Variants in WIF1 observed in about 807,000 individuals in gnomAD.
WIF1 encodes Wnt inhibitory factor 1.
A neutral mutation model predicts 53.5 loss-of-function variants in WIF1; 35 were observed. That is an observed-to-expected ratio of 0.65 (90% confidence interval 0.50 to 0.87). The LOEUF is 0.87. WIF1 is among the 40% of genes least tolerant of loss of function. WIF1 has a pLI of 0.00. For synonymous variants in WIF1, 171 were observed against 170.4 expected, an observed-to-expected ratio of 1.00 and a Z score of -0.03; for missense variants, 467 against 476.8, an observed-to-expected ratio of 0.98 and a Z score of 0.19.
chr12:65,059,335 A>G (rs1882576650), intron 7 of WIF1, among the ~76,000 whole-genome samples: 1 of 152,198 alleles, frequency 6.6e-6, no homozygotes, highest in African/African-American at 2.4e-5. Context: ...ATTATAGGTG[A>G]TTTTTAATTG....
intron 3 of WIF1, 122 bp from the exon 4 acceptor site, chr12:65,069,026 T>C (rs1592390505): frequency 9.5e-7 from 1 of 1,054,772 alleles, no homozygotes; most frequent in African/African-American, 1.6e-5. Flanking sequence ...GTGGATTTCC[T>C]TGTATCTCCA....
intron 2 of WIF1, among the ~76,000 whole-genome samples, chr12:65,089,308 C>T (rs569524920): frequency 6.6e-6 from 1 of 152,236 alleles, no homozygotes; most frequent in South Asian, 2.1e-4. Context: ...ACTACCTCCA[C>T]AAATTCTCAT....
chr12:65,076,784 G>A (rs1418213072), intron 3 of WIF1, among the ~76,000 whole-genome samples: 2 of 151,888 alleles, frequency 1.3e-5, no homozygotes, highest in East Asian at 1.9e-4. Context: ...ATAAGGGAAT[G>A]TGTATACAAA....
Position 65,121,110 on chromosome 12 carries a change from C to A in WIF1, c.82G>T (p.Ala28Ser). ...LLCLLALRAEAGPPQEESLYL... is the reference protein window; with the variant it reads ...LLCLLALRAESGPPQEESLYL... Reference sequence around the variant, plus strand: ...AGGCTCTCCTCCTGCGGCGGCCCGGCCTCCGCCCGCAGTGCCAGCAGGCAC... The same window carrying A: ...AGGCTCTCCTCCTGCGGCGGCCCGGACTCCGCCCGCAGTGCCAGCAGGCAC... Residue 28 changes from alanine to serine, a missense_variant, in exon 1 of 10, where the codon GCC becomes TCC. By Grantham distance (99) the Ala-to-Ser change is moderately conservative. Transcript: ENST00000286574. The A allele has an allele frequency of 6.5e-7, 1 of 1,546,264 alleles. No individual in the cohort carries two copies. Among genetic ancestry groups the A allele is most frequent in the Non-Finnish European group, 8.7e-7 (1 of 1,144,516 alleles).
At chr12:65,084,383 C>T (rs535220215) in intron 2 of WIF1, among the ~76,000 whole-genome samples, 1 of 152,246 alleles carries the variant, frequency 6.6e-6, no homozygotes, top group Admixed American at 6.5e-5. Context: ...AGCCTGGTTC[C>T]TTTATCTTTT....
rs1263645597 is a variant in WIF1, at chr12:65,103,795, C to T, written c.288+16622G>A. 1.3e-5 allele frequency among the ~76,000 whole-genome samples: 2 copies of T among 152,108 alleles called. 1 individual carries two copies. The highest frequency in any genetic ancestry group is 1.3e-4 in the Admixed American group (2 of 15,270). Reference sequence around the variant, plus strand: ...GGCTCTGCAGGTGACTAAGGTGTGACCCTGGGCAAGTTACTTAATTTCCTT... The same window carrying T: ...GGCTCTGCAGGTGACTAAGGTGTGATCCTGGGCAAGTTACTTAATTTCCTT... On this transcript the variant is annotated intron_variant, in intron 2 of 9. Coordinates refer to ENST00000286574, the MANE Select transcript of WIF1 (RefSeq NM_007191.5).
intron 6 of WIF1, among the ~76,000 whole-genome samples, chr12:65,063,024 T>C (rs779930806): frequency 5.9e-5 from 9 of 152,146 alleles, no homozygotes; most frequent in Admixed American, 1.3e-4. Flanking sequence ...AAAAAGCAAC[T>C]TTCTTTCAGG....
At chr12:65,073,249 C>G (rs1348978352) in intron 3 of WIF1, among the ~76,000 whole-genome samples, 1 of 152,150 alleles carries the variant, frequency 6.6e-6, no homozygotes, top group East Asian at 1.9e-4. Context: ...ATTCTCTTAC[C>G]AAATACTTAG....
rs201508016 is a variant in WIF1 at position 65,051,410 on chromosome 12, G to A, written c.1079C>T (p.Thr360Met). Residue 360 changes from threonine to methionine, a missense_variant, in exon 10 of 10, where the codon ACG (threonine) becomes ATG (methionine). Transcript: ENST00000286574. ...RPAGAQLRQHTPSLKKAEERR... is the reference protein window; with the variant it reads ...RPAGAQLRQHMPSLKKAEERR... ...CTCCTCGGCCTTTTTAAGTGAAGGC[G>A]TGTGCTGCCTGAGCTGGGCGCCTGC... The A allele has an allele frequency of 2.7e-4, 430 of 1,613,704 alleles. 1 individual carries two copies. The highest frequency in any genetic ancestry group is 3.5e-4 in the Non-Finnish European group (416 of 1,179,892).
At chr12:65,090,227 A>G (rs1349906458) in intron 2 of WIF1, among the ~76,000 whole-genome samples, 2 of 152,114 alleles carry the variant, frequency 1.3e-5, no homozygotes, top group Non-Finnish European at 2.9e-5. Flanking sequence ...TCCAAATAAC[A>G]ATGGCCACGA....
At chr12:65,063,331 G>A (rs1405022449) in intron 6 of WIF1, among the ~76,000 whole-genome samples, 3 of 152,180 alleles carry the variant, frequency 2.0e-5, no homozygotes, top group Non-Finnish European at 4.4e-5. Context: ...ATAGAGGGAG[G>A]ATGGAGAAAT....
intron 7 of WIF1, among the ~76,000 whole-genome samples, chr12:65,060,220 C>T (rs951288055): frequency 1.3e-5 from 2 of 152,254 alleles, no homozygotes; most frequent in Non-Finnish European, 2.9e-5. Flanking sequence ...GAAATGGAAA[C>T]GTCCACACAA....
chr12:65,051,316 T>G lies in WIF1; in HGVS notation c.*33A>C. On this transcript the variant is annotated 3_prime_UTR_variant, in exon 10 of 10. Coordinates refer to ENST00000286574, the MANE Select transcript of WIF1 (RefSeq NM_007191.5). ...GAAAGGTTAACAAAGGCTATGAACT[T>G]GGTGTAACTTAAAACGTTTCAGATG... 1 of 1,601,584 alleles carries G rather than the reference T, an allele frequency of 6.2e-7. No homozygotes were observed. The highest frequency in any genetic ancestry group is 8.5e-7 in the Non-Finnish European group (1 of 1,174,038).
At chr12:65,093,829 A>G (rs1020711882) in intron 2 of WIF1, among the ~76,000 whole-genome samples, 1 of 152,140 alleles carries the variant, frequency 6.6e-6, no homozygotes, top group African/African-American at 2.4e-5. Flanking sequence ...TTCTGGCCCC[A>G]GTTCAAACTT....
At chr12:65,081,357 T>C (rs944086368) in intron 2 of WIF1, among the ~76,000 whole-genome samples, 4 of 152,150 alleles carry the variant, frequency 2.6e-5, no homozygotes, top group Non-Finnish European at 4.4e-5. Context: ...GTTCAAAGAA[T>C]ATGGAACTGA....
At chr12:65,077,933 A>T (rs1882889872) in intron 2 of WIF1, 79 bp from the exon 3 acceptor site, 1 of 1,077,982 alleles carries the variant, frequency 9.3e-7, no homozygotes, top group Middle Eastern at 2.0e-4. Context: ...CGTCCATCTG[A>T]TGGGGCAGAG....
At chr12:65,111,294 A>G (rs927194884) in intron 2 of WIF1, among the ~76,000 whole-genome samples, 3 of 152,146 alleles carry the variant, frequency 2.0e-5, no homozygotes, top group Non-Finnish European at 4.4e-5. Context: ...GATAATCTAA[A>G]CATGTATCTC....
intron 2 of WIF1, among the ~76,000 whole-genome samples, chr12:65,094,196 A>G (rs1018837536): frequency 6.6e-5 from 10 of 152,204 alleles, no homozygotes; most frequent in Non-Finnish European, 1.0e-4. Context: ...ATTTTTGGAA[A>G]GTCTGAAAGG....
At chr12:65,104,186 C>A (rs1052889235) in intron 2 of WIF1, among the ~76,000 whole-genome samples, 1 of 152,128 alleles carries the variant, frequency 6.6e-6, no homozygotes, top group South Asian at 2.1e-4. Context: ...TATGCCCGTT[C>A]TTATTATTAG....
Sources: gnomAD v4.1 joint callset for allele counts (sites outside exome capture counted in the v4.1 genomes callset) on GRCh38, gnomAD v4.1.1 for gene constraint, MANE v1.5 for transcripts, NCBI Gene and HGNC (gene_info 2026-07-23, HGNC 2026-07-21) for gene names.